SPHKAP: variants seen among roughly 807,000 people sequenced by gnomAD.
SPHKAP encodes the protein A-kinase anchor protein SPHKAP.
In SPHKAP, 67 loss-of-function variants were observed where a neutral mutation model predicts 137.5. The ratio of observed to expected loss-of-function variants is 0.49; its 90% CI spans 0.40 to 0.60. The LOEUF (loss-of-function observed/expected upper bound fraction) is 0.60. Ranked by LOEUF, SPHKAP falls within the 20% of genes least tolerant of loss-of-function variation. The pLI is 0.00. For synonymous variants in SPHKAP, 813 were observed against 785.3 expected, an observed-to-expected ratio of 1.04 and a Z score of -0.59; for missense variants, 2,097 against 2,069.3, an observed-to-expected ratio of 1.01 and a Z score of -0.26.
intron 9 of SPHKAP, among the ~76,000 whole-genome samples, chr2:227,992,111 G>A (rs1032833901): frequency 6.6e-6 from 1 of 152,124 alleles, no homozygotes; most frequent in Non-Finnish European, 1.5e-5. Context: ...GAAAGGAAGT[G>A]GCTATCCTGG....
chr2:228,115,930 TG>T (rs759347390), intron 2 of SPHKAP, among the ~76,000 whole-genome samples: 3 of 152,122 alleles, frequency 2.0e-5, no homozygotes, highest in South Asian at 2.1e-4. Flanking sequence ...CCCTCATGCA[TG>T]GAATTAGTGC....
intron 1 of SPHKAP, among the ~76,000 whole-genome samples, chr2:228,177,623 G>T (rs1217090180): frequency 1.3e-5 from 2 of 152,118 alleles, no homozygotes; most frequent in African/African-American, 4.8e-5. Flanking sequence ...CTTGGTGATG[G>T]AAGATCATAG....
At chr2:228,104,615 C>G (rs911169205) in intron 3 of SPHKAP, among the ~76,000 whole-genome samples, 1 of 152,026 alleles carries the variant, frequency 6.6e-6, no homozygotes, top group South Asian at 2.1e-4. Flanking sequence ...TATAAAACAT[C>G]TCAGTTTTGC....
rs1695001605 is a variant in SPHKAP, at chr2:228,025,545, T to G, written c.307-17A>C. On this transcript the variant is annotated splice_polypyrimidine_tract_variant and intron_variant, in intron 4 of 11. Coordinates refer to ENST00000392056, the MANE Select transcript of SPHKAP (RefSeq NM_001142644.2). ...GACCAGTTTCTGTAAAGCAAGAATC[T>G]TTATTAGTTTAGCTGATTTCTTTTC... 3 of 1,612,566 alleles carry G rather than the reference T, an allele frequency of 1.9e-6. No individual in the cohort carries two copies. Among genetic ancestry groups the G allele is most frequent in the Non-Finnish European group, 2.5e-6 (3 of 1,179,454 alleles).
intron 3 of SPHKAP, among the ~76,000 whole-genome samples, chr2:228,080,755 AATAAAATAAAATAAAATAAAAT>A (rs1559162733): frequency 4.9e-5 from 7 of 141,860 alleles, no homozygotes; most frequent in African/African-American, 2.0e-4. Flanking sequence ...AATAAAATAA[AATAAAATAAAATAAAATAAAAT>A]AAAATAAAAC....
At chr2:228,000,532 C>T (rs113975875) in intron 7 of SPHKAP, among the ~76,000 whole-genome samples, 25,230 of 151,744 alleles carry the variant, frequency 0.17, 2,312 homozygotes, top group East Asian at 0.39. Flanking sequence ...GCAGGAGAAT[C>T]GCTTGAACCC....
At chr2:228,156,243 A>G (rs926316790) in intron 1 of SPHKAP, among the ~76,000 whole-genome samples, 3 of 152,164 alleles carry the variant, frequency 2.0e-5, no homozygotes, top group African/African-American at 7.2e-5. Flanking sequence ...AGGATACTTT[A>G]TTTTTATTAG....
intron 3 of SPHKAP, among the ~76,000 whole-genome samples, chr2:228,046,788 A>C (rs890074154): frequency 1.3e-5 from 2 of 152,100 alleles, no homozygotes; most frequent in African/African-American, 2.4e-5. Flanking sequence ...GGATATGTGA[A>C]CCCTCTATTC....
chr2:227,999,312 C>T (rs549489505), intron 7 of SPHKAP, among the ~76,000 whole-genome samples: 2 of 152,078 alleles, frequency 1.3e-5, no homozygotes, highest in East Asian at 1.9e-4. Flanking sequence ...TGAGATTTTT[C>T]CAAATCATGT....
chr2:228,075,940 A>G (rs1049727668), intron 3 of SPHKAP, among the ~76,000 whole-genome samples: 1 of 152,200 alleles, frequency 6.6e-6, no homozygotes, highest in African/African-American at 2.4e-5. Context: ...CTCAAATCTC[A>G]TCTTGAATTG....
At chr2:228,088,934 T>C (rs1375102481) in intron 3 of SPHKAP, among the ~76,000 whole-genome samples, 1 of 152,202 alleles carries the variant, frequency 6.6e-6, no homozygotes, top group Admixed American at 6.5e-5. Context: ...AGTATTCTTT[T>C]ATGGCAACAC....
chr2:228,038,910 C>T (rs981190086), intron 3 of SPHKAP, among the ~76,000 whole-genome samples: 1 of 152,198 alleles, frequency 6.6e-6, no homozygotes, highest in Admixed American at 6.5e-5. Context: ...GGAATACGTA[C>T]AGAAGCTACA....
At chr2:228,129,820 T>A (rs111906318) in intron 2 of SPHKAP, among the ~76,000 whole-genome samples, 48,340 of 144,244 alleles carry the variant, frequency 0.34, 8,600 homozygotes, top group East Asian at 0.5. Context: ...TTTTTGAGAC[T>A]GAGTCTTACT....
intron 3 of SPHKAP, among the ~76,000 whole-genome samples, chr2:228,082,623 C>A (rs571617362): frequency 2.0e-5 from 3 of 152,092 alleles, no homozygotes; most frequent in Admixed American, 2.0e-4. Context: ...TCAGTCACCA[C>A]GAAGTCACAG....
intron 7 of SPHKAP, among the ~76,000 whole-genome samples, chr2:227,997,123 T>C (rs1010017298): frequency 1.3e-5 from 2 of 152,212 alleles, no homozygotes; most frequent in Admixed American, 6.5e-5. Flanking sequence ...TAAAGCATAT[T>C]GTTGGTTGCT....
intron 3 of SPHKAP, among the ~76,000 whole-genome samples, chr2:228,070,003 G>A (rs576074872): frequency 1.7e-3 from 253 of 152,274 alleles, no homozygotes; most frequent in South Asian, 9.3e-3. Flanking sequence ...ATGCCTATGC[G>A]CTAGCTGGAA....
intron 1 of SPHKAP, among the ~76,000 whole-genome samples, chr2:228,167,600 A>G (rs1700456396): frequency 6.6e-6 from 1 of 152,196 alleles, no homozygotes; most frequent in African/African-American, 2.4e-5. Flanking sequence ...TGAATTACCC[A>G]GATAAATTCT....
At position 228,018,707 on chromosome 2, in the gene SPHKAP, A is replaced by G; in HGVS notation, c.2147T>C (p.Val716Ala). 1 of 1,614,214 alleles carries G rather than the reference A, an allele frequency of 6.2e-7. No individual in the cohort carries two copies. Among genetic ancestry groups the G allele is most frequent in the Non-Finnish European group, 8.5e-7 (1 of 1,180,030 alleles). ...CATCTTCTTGAACGTGAAGCATATC[A>G]CATCTAAAAGCAGTTGATTTGTACT... The part of the protein sequence containing the change: ...MESTNQLLLD[V>A]ICFTFKKMSH... The change falls in exon 7 of 12, where the codon GTG becomes GCG. Residue 716 changes from valine (V) to alanine (A), a missense_variant. Coordinates refer to ENST00000392056, the MANE Select transcript of SPHKAP (RefSeq NM_001142644.2).
chr2:228,139,513 C>T (rs1045869352), intron 1 of SPHKAP, among the ~76,000 whole-genome samples: 1 of 152,112 alleles, frequency 6.6e-6, no homozygotes, highest in African/African-American at 2.4e-5. Flanking sequence ...TATATTATCT[C>T]TCATTAAGAA....
Sources: gnomAD v4.1 joint callset for allele counts (sites outside exome capture counted in the v4.1 genomes callset) on GRCh38, gnomAD v4.1.1 for gene constraint, MANE v1.5 for transcripts, NCBI Gene and HGNC (gene_info 2026-07-23, HGNC 2026-07-21) for gene names.